Variants in MDFIC2 observed in about 807,000 individuals in gnomAD.
MDFIC2 encodes myoD family inhibitor domain-containing protein 2.
At chr3:70,274,638 C>T (rs9310187) in intron 2 of MDFIC2, among the ~76,000 whole-genome samples, 134,641 of 151,992 alleles carry the variant, frequency 0.89, 59,866 homozygotes, top group African/African-American at 0.95. Context: ...GGGGATGGAG[C>T]GGTGGGGAGG....
intron 2 of MDFIC2, among the ~76,000 whole-genome samples, chr3:70,259,425 AAAAG>A (rs887513524): frequency 4.6e-5 from 7 of 152,086 alleles, no homozygotes; most frequent in South Asian, 4.2e-4. Flanking sequence ...TTAAAAAAAA[AAAAG>A]AAAGAAAGTA....
At chr3:70,298,381 C>G (rs1440418130) in intron 2 of MDFIC2, among the ~76,000 whole-genome samples, 2 of 152,008 alleles carry the variant, frequency 1.3e-5, no homozygotes, top group East Asian at 3.9e-4. Context: ...GTTTAGTTAG[C>G]CAACATCAAC....
intron 2 of MDFIC2, among the ~76,000 whole-genome samples, chr3:70,279,067 CT>C (rs1702055997): frequency 1.3e-5 from 2 of 149,854 alleles, no homozygotes; most frequent in South Asian, 2.2e-4. Flanking sequence ...TTCCTAACAT[CT>C]TCTCATTTGC....
At chr3:70,209,653 AG>A (rs1701324200) in intron 2 of MDFIC2, among the ~76,000 whole-genome samples, 1 of 152,042 alleles carries the variant, frequency 6.6e-6, no homozygotes, top group South Asian at 2.1e-4. Flanking sequence ...AGATTCCAAA[AG>A]CTTTGTGCTT....
At chr3:70,198,400 AT>A (rs1156320063) in intron 3 of MDFIC2, among the ~76,000 whole-genome samples, 1 of 152,040 alleles carries the variant, frequency 6.6e-6, no homozygotes, top group African/African-American at 2.4e-5. Flanking sequence ...ATTTACTTTT[AT>A]TTTCCAGAAA....
intron 3 of MDFIC2, among the ~76,000 whole-genome samples, chr3:70,199,503 G>A (rs966891494): frequency 6.6e-6 from 1 of 151,896 alleles, no homozygotes; most frequent in African/African-American, 2.4e-5. Flanking sequence ...TTTTTATTTG[G>A]TTTTAAAAGG....
At chr3:70,226,913 A>C (rs1701512973) in intron 2 of MDFIC2, among the ~76,000 whole-genome samples, 1 of 152,126 alleles carries the variant, frequency 6.6e-6, no homozygotes, top group Admixed American at 6.6e-5. Context: ...AATTCTGATG[A>C]AGCTTTTGAT....
chr3:70,214,802 G>A (rs1396363656), intron 2 of MDFIC2, among the ~76,000 whole-genome samples: 1 of 151,976 alleles, frequency 6.6e-6, no homozygotes, highest in Non-Finnish European at 1.5e-5. Context: ...GCAATTATGA[G>A]TCTCCATTTC....
intron 2 of MDFIC2, among the ~76,000 whole-genome samples, chr3:70,274,800 T>C (rs1454010001): frequency 6.6e-6 from 1 of 152,180 alleles, no homozygotes; most frequent in Non-Finnish European, 1.5e-5. Flanking sequence ...CCAAATTGAA[T>C]AGGTATTAAG....
At chr3:70,292,361 C>G (rs1702246925) in intron 2 of MDFIC2, among the ~76,000 whole-genome samples, 1 of 151,972 alleles carries the variant, frequency 6.6e-6, no homozygotes, top group Middle Eastern at 3.2e-3. Flanking sequence ...ATCTTGTTGG[C>G]CTTGATATCT....
chr3:70,209,714 C>G (rs950654202), intron 2 of MDFIC2, among the ~76,000 whole-genome samples: 2 of 152,042 alleles, frequency 1.3e-5, no homozygotes, highest in African/African-American at 2.4e-5. Context: ...TTATTCTTAG[C>G]TTTTATCTCT....
chr3:70,253,125 G>C (rs2106653707), intron 2 of MDFIC2, among the ~76,000 whole-genome samples: 1 of 152,192 alleles, frequency 6.6e-6, no homozygotes, highest in Admixed American at 6.5e-5. Flanking sequence ...AAATAAAAAA[G>C]TATTTTGGAT....
At chr3:70,236,779 A>T (rs977769895) in intron 2 of MDFIC2, among the ~76,000 whole-genome samples, 1 of 152,022 alleles carries the variant, frequency 6.6e-6, no homozygotes, top group Non-Finnish European at 1.5e-5. Context: ...CTTTTTTTGT[A>T]GGAATGGGGT....
chr3:70,263,059 C>G (rs982886934), intron 2 of MDFIC2, among the ~76,000 whole-genome samples: 6 of 152,072 alleles, frequency 3.9e-5, no homozygotes, highest in Non-Finnish European at 7.4e-5. Context: ...TAATTCATCT[C>G]TCTCTTTATG....
At chr3:70,273,077 G>T (rs546857264) in intron 2 of MDFIC2, among the ~76,000 whole-genome samples, 1 of 152,280 alleles carries the variant, frequency 6.6e-6, no homozygotes, top group South Asian at 2.1e-4. Context: ...AGTTCAGCCA[G>T]TGACCCAAGT....
At position 70,281,794 on chromosome 3, in the gene MDFIC2, C is replaced by T. The variant is rs73102663; in HGVS notation, c.88+30092G>A. ...TCTCTGATTCCAGCAGTTCAAAATT[C>T]TTGCACATATGAATCATAAGTGCAC... On this transcript the variant is annotated intron_variant, in intron 2 of 3. Transcript: ENST00000567252. 1.3e-3 allele frequency among the ~76,000 whole-genome samples: 201 copies of T among 152,254 alleles called. 1 individual carries two copies. The highest frequency in any genetic ancestry group is 2.2e-3 in the Non-Finnish European group (148 of 68,000).
At chr3:70,216,964 A>G (rs1396954355) in intron 2 of MDFIC2, among the ~76,000 whole-genome samples, 2 of 152,166 alleles carry the variant, frequency 1.3e-5, no homozygotes, top group African/African-American at 4.8e-5. Flanking sequence ...TCAAATGTCA[A>G]TTGTGCCAAG....
chr3:70,265,438 T>C (rs1218431052), intron 2 of MDFIC2, among the ~76,000 whole-genome samples: 2 of 152,072 alleles, frequency 1.3e-5, no homozygotes, highest in African/African-American at 4.8e-5. Context: ...GATTTTAGGA[T>C]TTGATGACCA....
At chr3:70,246,108 C>A (rs917047329) in intron 2 of MDFIC2, among the ~76,000 whole-genome samples, 28 of 151,834 alleles carry the variant, frequency 1.8e-4, no homozygotes, top group Middle Eastern at 3.4e-3. Flanking sequence ...TAAAAAAAAA[C>A]CCCACAGATA....
Sources: gnomAD v4.1 joint callset for allele counts (sites outside exome capture counted in the v4.1 genomes callset) on GRCh38, gnomAD v4.1.1 for gene constraint, MANE v1.5 for transcripts, NCBI Gene and HGNC (gene_info 2026-07-23, HGNC 2026-07-21) for gene names.